STIM1: variants seen among roughly 807,000 people sequenced by gnomAD.
STIM1 encodes stromal interaction molecule 1.
STIM1 carries 25 observed loss-of-function variants against 74.7 expected under a neutral mutation model. The observed-to-expected ratio is 0.33, with a 90% CI of 0.24 to 0.47. The LOEUF is 0.47. Among genes scored for constraint, STIM1 ranks in the 20% least tolerant of loss-of-function variants. The pLI is 1.00. For missense variants in STIM1, 728 were observed against 920.8 expected (o/e 0.79, Z 2.71); for synonymous variants, 328 against 348.8 (o/e 0.94, Z 0.66).
chr11:3,961,598 T>G (rs2093286134), intron 1 of STIM1: 1 of 151,532 alleles, frequency 6.6e-6, no homozygotes, highest in African/African-American at 2.4e-5. Context: ...AACCTCCACC[T>G]CCCGGGTTCA....
At chr11:3,890,272 A>G (rs1481233536) in intron 1 of STIM1, among the ~76,000 whole-genome samples, 1 of 152,088 alleles carries the variant, frequency 6.6e-6, no homozygotes, top group African/African-American at 2.4e-5. Flanking sequence ...TGATCTCTGG[A>G]GGTTCATCTA....
At chr11:3,996,874 C>G (rs137868492) in intron 2 of STIM1, among the ~76,000 whole-genome samples, 1 of 152,322 alleles carries the variant, frequency 6.6e-6, no homozygotes, top group African/African-American at 2.4e-5. Flanking sequence ...AGTGCATTTT[C>G]TCCAGTGCTA....
intron 1 of STIM1, among the ~76,000 whole-genome samples, chr11:3,857,875 T>C (rs897819696): frequency 2.0e-5 from 3 of 152,166 alleles, no homozygotes; most frequent in Non-Finnish European, 4.4e-5. Flanking sequence ...GGGTTGCCCA[T>C]GTGTAAGTAG....
intron 3 of STIM1, among the ~76,000 whole-genome samples, chr11:4,036,024 C>T (rs1417710577): frequency 6.6e-6 from 1 of 152,062 alleles, no homozygotes; most frequent in Non-Finnish European, 1.5e-5. Context: ...CCTCCCACTC[C>T]CCTGACAATG....
chr11:4,086,350 C>T lies in STIM1; in HGVS notation c.1568-127C>T, dbSNP rs1038514292. On this transcript the variant is annotated intron_variant, in intron 11 of 12. Coordinates refer to ENST00000526596, the MANE Select transcript of STIM1 (RefSeq NM_001382567.1). ...GTGGGAGGTTTCTGGGAGGAGGTGC[C>T]CCATTCTCCAGATTGGCATTAGAGG... is the stretch of plus-strand genomic sequence containing the variant. 3.8e-6 allele frequency: 4 copies of T among 1,054,398 alleles called. No homozygotes were observed. In the African/African-American group the frequency reaches 4.8e-5, roughly 13 times the overall value. 65.3% of individuals were successfully genotyped at this position (1,054,398 alleles called of 1,614,324 possible).
chr11:4,043,474 C>G (rs1254941672), intron 3 of STIM1, among the ~76,000 whole-genome samples: 1 of 152,118 alleles, frequency 6.6e-6, no homozygotes, highest in Admixed American at 6.5e-5. Flanking sequence ...TGTGAGAAAA[C>G]ATAATATAAA....
intron 1 of STIM1, among the ~76,000 whole-genome samples, chr11:3,877,047 T>C (rs1200689649): frequency 6.6e-6 from 1 of 152,048 alleles, no homozygotes; most frequent in African/African-American, 2.4e-5. Flanking sequence ...ATTGGGAGAG[T>C]TGTTTAAAAA....
rs190746182 is a variant in STIM1, at chr11:4,085,445, A to T, written c.1567+680A>T. 9.3e-4 allele frequency among the ~76,000 whole-genome samples: 141 copies of T among 152,332 alleles called. 1 individual carries two copies. Among genetic ancestry groups the T allele is most frequent in the Middle Eastern group, 3.4e-3 (1 of 294 alleles). The stretch of plus-strand genomic sequence containing the variant: ...TTCCTAAGTTACTTGGTGCCCATGT[A>T]TCCCTTCACTGGGCATAGTGGCCAT... On this transcript the variant is annotated intron_variant, in intron 11 of 12. Transcript: ENST00000526596.
intron 1 of STIM1, among the ~76,000 whole-genome samples, chr11:3,949,840 AT>A (rs2093123585): frequency 6.6e-6 from 1 of 152,162 alleles, no homozygotes; most frequent in Non-Finnish European, 1.5e-5. Flanking sequence ...AAATCCACCA[AT>A]CTTGTTCAGA....
intron 7 of STIM1, among the ~76,000 whole-genome samples, chr11:4,078,135 C>T (rs1226614251): frequency 6.6e-6 from 1 of 152,216 alleles, no homozygotes; most frequent in Admixed American, 6.5e-5. Context: ...ATTTTCTCTT[C>T]CATCAGGTAG....
At position 3,892,870 on chromosome 11, in the gene STIM1, C is replaced by T. The variant is rs1019580133; in HGVS notation, c.139+36461C>T. 4.4e-6 allele frequency: 7 copies of T among 1,591,546 alleles called. No homozygotes were observed. The African/African-American group carries it at 6.7e-5, about 15-fold the overall frequency. On this transcript the variant is annotated intron_variant, in intron 1 of 12. Coordinates refer to ENST00000526596, the MANE Select transcript of STIM1 (RefSeq NM_001382567.1). ...CGCTGTTGACAGCAATGTCGAAGAA[C>T]ACGGTGGGGTTAACCACGGCTGATA... is the stretch of plus-strand genomic sequence containing the variant.
intron 2 of STIM1, among the ~76,000 whole-genome samples, chr11:3,993,550 A>G (rs917982831): frequency 6.6e-6 from 1 of 152,054 alleles, no homozygotes; most frequent in Non-Finnish European, 1.5e-5. Flanking sequence ...CAGCTACTCG[A>G]GAGGCTCAGG....
At chr11:3,909,795 G>A (rs143241421) in intron 1 of STIM1, among the ~76,000 whole-genome samples, 276 of 140,518 alleles carry the variant, frequency 2.0e-3, no homozygotes, top group Non-Finnish European at 2.1e-3. Context: ...CCATCTCAAA[G>A]AAAAAAAAAA....
chr11:3,939,245 G>C (rs1284103890), intron 1 of STIM1, among the ~76,000 whole-genome samples: 1 of 152,202 alleles, frequency 6.6e-6, no homozygotes, highest in Non-Finnish European at 1.5e-5. Flanking sequence ...GAAGAGAGAG[G>C]AGAGAGGTGT....
At chr11:3,893,038 A>G (rs1590534137) in intron 1 of STIM1, among the ~76,000 whole-genome samples, 1 of 152,210 alleles carries the variant, frequency 6.6e-6, no homozygotes, top group African/African-American at 2.4e-5. Context: ...CCAAAATGCT[A>G]GGGCTATAAT....
At chr11:3,882,249 G>A (rs1014835461) in intron 1 of STIM1, among the ~76,000 whole-genome samples, 4 of 151,494 alleles carry the variant, frequency 2.6e-5, no homozygotes, top group Non-Finnish European at 4.4e-5. Flanking sequence ...ACAGGCGTGC[G>A]CCACCACGCC....
intron 1 of STIM1, among the ~76,000 whole-genome samples, chr11:3,935,758 T>G (rs1437668219): frequency 6.6e-6 from 1 of 152,250 alleles, no homozygotes; most frequent in Non-Finnish European, 1.5e-5. Flanking sequence ...TAATTAAATG[T>G]CTGTGAAAAT....
intron 6 of STIM1, among the ~76,000 whole-genome samples, chr11:4,073,054 T>TTTTG: frequency 6.7e-6 from 1 of 149,328 alleles, no homozygotes; most frequent in East Asian, 2.0e-4. Flanking sequence ...AGAGGTTTTT[T>TTTTG]TTTTTTTTTT....
chr11:4,046,213 C>T (rs1590671179), intron 3 of STIM1, among the ~76,000 whole-genome samples: 2 of 151,712 alleles, frequency 1.3e-5, no homozygotes, highest in Admixed American at 6.6e-5. Context: ...CACAGGCACG[C>T]ACCACCCCTC....
Sources: gnomAD v4.1 joint callset for allele counts (sites outside exome capture counted in the v4.1 genomes callset) on GRCh38, gnomAD v4.1.1 for gene constraint, MANE v1.5 for transcripts, NCBI Gene and HGNC (gene_info 2026-07-23, HGNC 2026-07-21) for gene names.